DAPK1: variants seen among roughly 807,000 people sequenced by gnomAD.
The protein encoded by DAPK1 is death associated protein kinase 1.
DAPK1 carries 56 observed loss-of-function variants against 144.9 expected under a neutral mutation model. The observed-to-expected ratio is 0.39, with a 90% CI of 0.31 to 0.48. DAPK1 has a LOEUF of 0.48. DAPK1 is among the 20% of genes least tolerant of loss of function. The pLI is 0.95. For missense variants in DAPK1, 1,454 were observed against 1,875.4 expected (o/e 0.78, Z 4.15); for synonymous variants, 690 against 749.0 (o/e 0.92, Z 1.29).
At chr9:87,654,341 G>A (rs1195602150) in intron 17 of DAPK1, among the ~76,000 whole-genome samples, 1 of 152,196 alleles carries the variant, frequency 6.6e-6, no homozygotes, top group Admixed American at 6.5e-5. Flanking sequence ...TTTAATTTCA[G>A]GAAATGTTTA....
intron 2 of DAPK1, among the ~76,000 whole-genome samples, chr9:87,521,061 C>A (rs1470477232): frequency 3.9e-5 from 6 of 152,204 alleles, no homozygotes; most frequent in African/African-American, 1.4e-4. Context: ...ATGTGATCTA[C>A]TGTTAGACTA....
intron 2 of DAPK1, among the ~76,000 whole-genome samples, chr9:87,531,724 T>C (rs1007211694): frequency 2.0e-5 from 3 of 152,240 alleles, no homozygotes; most frequent in Non-Finnish European, 2.9e-5. Context: ...CTTAAAAAGC[T>C]GGTTGCCTGA....
At chr9:87,542,625 C>T (rs749043394) in intron 2 of DAPK1, among the ~76,000 whole-genome samples, 1 of 152,188 alleles carries the variant, frequency 6.6e-6, no homozygotes, top group African/African-American at 2.4e-5. Context: ...CAGTGACTTC[C>T]GGAAGGCTCA....
At chr9:87,517,234 A>G (rs2378747) in intron 2 of DAPK1, among the ~76,000 whole-genome samples, 92,877 of 151,540 alleles carry the variant, frequency 0.61, 28,791 homozygotes, top group South Asian at 0.83. Flanking sequence ...GGCTTGCTAC[A>G]TTACTGCTTT....
chr9:87,596,609 G>T (rs999443138), intron 2 of DAPK1, among the ~76,000 whole-genome samples: 1 of 152,176 alleles, frequency 6.6e-6, no homozygotes, highest in African/African-American at 2.4e-5. Flanking sequence ...GTTTTTCTGA[G>T]CCTGGGACAG....
chr9:87,655,248 C>T (rs536676700), intron 17 of DAPK1, among the ~76,000 whole-genome samples: 96 of 152,280 alleles, frequency 6.3e-4, no homozygotes, highest in African/African-American at 2.0e-3. Context: ...CATCTCTGCC[C>T]CCGCAGACAG....
At chr9:87,565,732 T>G (rs1217398290) in intron 2 of DAPK1, among the ~76,000 whole-genome samples, 1 of 152,234 alleles carries the variant, frequency 6.6e-6, no homozygotes, top group Non-Finnish European at 1.5e-5. Flanking sequence ...TTTCACTCTT[T>G]CTTTTTATCA....
intron 19 of DAPK1, among the ~76,000 whole-genome samples, chr9:87,669,351 G>A (rs1412743993): frequency 1.4e-5 from 2 of 140,958 alleles, no homozygotes; most frequent in Non-Finnish European, 3.1e-5. Context: ...GGTGGGGGGG[G>A]GTCACTGGGC....
chr9:87,622,032 C>T (rs1368578354), intron 3 of DAPK1, among the ~76,000 whole-genome samples: 1 of 150,076 alleles, frequency 6.7e-6, no homozygotes, highest in Non-Finnish European at 1.5e-5. Context: ...TCTAGAATGG[C>T]TTTCATGCTG....
chr9:87,639,898 A>C (rs1830037857), intron 7 of DAPK1, 83 bp downstream of exon 7: 2 of 1,452,140 alleles, frequency 1.4e-6, no homozygotes, highest in East Asian at 4.5e-5. Flanking sequence ...TGCTGTGTTG[A>C]TCTCTTCAGC....
intron 2 of DAPK1, among the ~76,000 whole-genome samples, chr9:87,564,440 G>A (rs1014617861): frequency 1.3e-5 from 2 of 152,144 alleles, no homozygotes; most frequent in Non-Finnish European, 2.9e-5. Context: ...AACAGAATAC[G>A]TGAGAATGGG....
rs1166504162 is a variant in DAPK1 at position 87,640,813 on chromosome 9, C to A, written c.794C>A (p.Thr265Lys). ...LLVKDPKKRM[T>K]IQDSLQHPWI... is the part of the protein sequence containing the mutation. ...CCCCTCCCCTCAAGGAAGAGAATGA[C>A]AATTCAAGATAGTTTGCAGCATCCC... The change falls in exon 9 of 26, where the codon ACA becomes AAA. Residue 265 changes from threonine to lysine, a missense_variant. By Grantham distance (78) the Thr-to-Lys change is moderately conservative. This residue lies in a region of DAPK1 where 429 missense variants were observed against 637.5 expected (regional missense o/e 0.67). Transcript: ENST00000408954. 3.1e-6 allele frequency: 5 copies of A among 1,613,978 alleles called. No homozygotes were observed. In the African/African-American group the frequency reaches 6.7e-5, roughly 22 times the overall value.
intron 20 of DAPK1, among the ~76,000 whole-genome samples, chr9:87,684,191 A>G (rs2117880793): frequency 6.6e-6 from 1 of 152,324 alleles, no homozygotes. Context: ...GGCAGAGGGT[A>G]TGTGTGTTGG....
At chr9:87,552,092 G>C (rs1826512484) in intron 2 of DAPK1, among the ~76,000 whole-genome samples, 1 of 152,130 alleles carries the variant, frequency 6.6e-6, no homozygotes, top group Non-Finnish European at 1.5e-5. Flanking sequence ...TGCTGGTGTT[G>C]GAAACATGAG....
At chr9:87,667,320 C>G (rs1831093536) in intron 18 of DAPK1, among the ~76,000 whole-genome samples, 2 of 152,212 alleles carry the variant, frequency 1.3e-5, no homozygotes, top group Admixed American at 1.3e-4. Context: ...GGAGCAGCCA[C>G]CTGGGCTTCA....
At chr9:87,509,748 C>T (rs1041299868) in intron 2 of DAPK1, among the ~76,000 whole-genome samples, 1 of 152,242 alleles carries the variant, frequency 6.6e-6, no homozygotes, top group Non-Finnish European at 1.5e-5. Context: ...AAAGTCTCTA[C>T]AGTCAGTGTG....
intron 2 of DAPK1, among the ~76,000 whole-genome samples, chr9:87,540,710 G>C (rs1281991488): frequency 6.6e-6 from 1 of 152,126 alleles, no homozygotes; most frequent in Non-Finnish European, 1.5e-5. Flanking sequence ...AATTATAACT[G>C]ATAATAGGCT....
chr9:87,615,810 C>T (rs551840452), intron 3 of DAPK1, among the ~76,000 whole-genome samples: 162 of 152,350 alleles, frequency 1.1e-3, no homozygotes, highest in African/African-American at 3.6e-3. Context: ...GCTGTGCCCC[C>T]TCTGTCCACA....
At chr9:87,561,768 C>T (rs994948812) in intron 2 of DAPK1, among the ~76,000 whole-genome samples, 4 of 152,260 alleles carry the variant, frequency 2.6e-5, no homozygotes, top group African/African-American at 9.6e-5. Context: ...TCTTCTCATC[C>T]AGAAGTGGGG....
Sources: allele counts gnomAD v4.1 joint callset (sites outside exome capture counted in the v4.1 genomes callset), GRCh38; gene constraint gnomAD v4.1.1; regional missense constraint gnomAD v4.1.1; transcripts MANE v1.5; gene names NCBI Gene and HGNC (gene_info 2026-07-23, HGNC 2026-07-21).